The following COPG1 variants were observed in gnomAD, a reference collection of about 807,000 sequenced individuals.
COPG1 encodes coat protein complex I subunit gamma 1, also known as coatomer subunit gamma-1.
In COPG1, 29 loss-of-function variants were observed where a neutral mutation model predicts 102.8. That is an observed-to-expected ratio of 0.28 (90% CI 0.21 to 0.38). COPG1 has a LOEUF of 0.38. Ranked by LOEUF, COPG1 falls within the 10% of genes least tolerant of loss-of-function variation. COPG1 has a pLI of 1.00. For missense variants in COPG1, 875 were observed against 1,132.7 expected (o/e 0.77, Z 3.27); for synonymous variants, 406 against 421.6 (o/e 0.96, Z 0.45).
chr3:129,254,767 G>C, intron 6 of COPG1, 24 bp downstream of exon 6: 1 of 1,604,846 alleles, frequency 6.2e-7, no homozygotes, highest in Non-Finnish European at 8.5e-7. Flanking sequence ...GTTCCTCCCT[G>C]CTTCCTGGCC....
chr3:129,273,964 C>G, intron 21 of COPG1: 1 of 453,754 alleles, frequency 2.2e-6, no homozygotes, highest in Non-Finnish European at 4.4e-6. Context: ...GAGTGCAGAC[C>G]ATTATGCTCA....
At position 129,249,626 on chromosome 3, in the gene COPG1, C is replaced by A; in HGVS notation, c.-84C>A. On this transcript the variant is annotated 5_prime_UTR_variant, in exon 1 of 24. Coordinates refer to ENST00000314797, the MANE Select transcript of COPG1 (RefSeq NM_016128.4). ...TGGCCAGTCGGGGCCCGGAAGTGGT[C>A]CCTGTAGAACCACTGTGGCACCGCT... 1 of 1,461,402 alleles carries A rather than the reference C, an allele frequency of 6.8e-7. No individual in the cohort carries two copies. Among genetic ancestry groups the A allele is most frequent in the South Asian group, 1.2e-5 (1 of 81,382 alleles). The allele number at this position is 1,461,402 out of a possible 1,614,324, so 90.5% of individuals were successfully genotyped here. A position where few individuals can be genotyped will look rare whatever the true frequency, so the allele number is the denominator to read the frequency against.
In COPG1 at chr3:129,270,470, C is replaced by T. The variant is rs549952785; in HGVS notation, c.1844-1297C>T. 2.6e-5 allele frequency among the ~76,000 whole-genome samples: 4 copies of T among 152,184 alleles called. No homozygotes were observed. The South Asian group carries it at 6.2e-4, about 24-fold the overall frequency. On this transcript the variant is annotated intron_variant, in intron 18 of 23. Transcript: ENST00000314797. ...GAGTCTGAAACCCTACCAACAGAAT[C>T]CCCCAGGGAGTAAGTATCAGGCCCA...
rs539344147 is a variant in COPG1, at chr3:129,256,107, G to A, written c.532G>A (p.Val178Met). Residue 178 changes from valine (V) to methionine (M), a missense_variant, in exon 8 of 24, where the codon GTG becomes ATG. By Grantham distance (21) the Val-to-Met change is conservative (BLOSUM62 1). Transcript: ENST00000314797. ...KCSFDVVKRW[V>M]NEAQEAASSD... Reference sequence around the variant, plus strand: ...CAGCTTTGACGTGGTCAAGCGCTGGGTGAATGAGGCTCAGGAGGCAGCATC... The same window carrying A: ...CAGCTTTGACGTGGTCAAGCGCTGGATGAATGAGGCTCAGGAGGCAGCATC... 27 of 1,614,040 alleles carry A rather than the reference G, an allele frequency of 1.7e-5. No individual in the cohort carries two copies. In the African/African-American group the frequency reaches 2.3e-4, roughly 14 times the overall value.
intron 13 of COPG1, among the ~76,000 whole-genome samples, chr3:129,265,117 G>C (rs56884471): frequency 6.6e-6 from 1 of 150,590 alleles, no homozygotes; most frequent in South Asian, 2.1e-4. Flanking sequence ...CACTGCGCCC[G>C]GCCTCCATCT....
At chr3:129,268,366 G>A in intron 16 of COPG1, 129 bp from the exon 17 acceptor site, 1 of 892,186 alleles carries the variant, frequency 1.1e-6, no homozygotes, top group Non-Finnish European at 1.7e-6. Flanking sequence ...GAGGCTTAGA[G>A]AATAAAGTGA....
Position 129,271,097 on chromosome 3 carries a change from G to A in COPG1, c.1844-670G>A, listed in dbSNP as rs1010140508. Among the ~76,000 whole-genome samples the A allele has an allele frequency of 8.5e-5, 13 of 152,200 alleles. No individual in the cohort carries two copies. Among genetic ancestry groups the A allele is most frequent in the Non-Finnish European group, 1.6e-4 (11 of 68,044 alleles). On this transcript the variant is annotated intron_variant, in intron 18 of 23. Coordinates refer to ENST00000314797, the MANE Select transcript of COPG1 (RefSeq NM_016128.4). This position sits in a 1 kb window ranked among gnomAD's most constrained non-coding sequence, Gnocchi z 4.7. The stretch of plus-strand genomic sequence containing the variant: ...TGTAGCCATTATAGGTGGACACCAT[G>A]TGCACACATCTGCCAGATGCCTCAT...
At position 129,275,971 on chromosome 3, in the gene COPG1, TAC is replaced by T. The variant is rs59294610; in HGVS notation, c.2494+705_2494+706del. Among the ~76,000 whole-genome samples, 4,931 of 148,598 alleles carry T rather than the reference TAC, an allele frequency of 0.033. 129 individuals are homozygous for T. Among genetic ancestry groups the T allele is most frequent in the African/African-American group, 0.072 (2,966 of 41,084 alleles). On this transcript the variant is annotated intron_variant, in intron 23 of 23. Transcript: ENST00000314797. The surrounding 1 kb of genome is among the most constrained non-coding windows in gnomAD (Gnocchi z 5.0). The stretch of plus-strand genomic sequence containing the variant: ...ACAGATGTTACAGTAAATAATCGTG[TAC>T]ACACACACACACACACACACACACA...
chr3:129,268,263 T>C (rs1224676458), intron 16 of COPG1, among the ~76,000 whole-genome samples: 1 of 151,984 alleles, frequency 6.6e-6, no homozygotes, highest in Non-Finnish European at 1.5e-5. Flanking sequence ...ATAAAAACTT[T>C]ATTTTTACAG....
At chr3:129,254,470 G>A (rs1192943428) in intron 5 of COPG1, 198 bp from the exon 6 acceptor site, 4 of 535,626 alleles carry the variant, frequency 7.5e-6, no homozygotes, top group East Asian at 6.3e-5. Context: ...CAAAAGCAGG[G>A]GGATGACCTG....
Position 129,275,122 on chromosome 3 carries a change from G to C in COPG1, c.2396-72G>C. The C allele has an allele frequency of 6.6e-7, 1 of 1,519,824 alleles. No individual in the cohort carries two copies. The highest frequency in any genetic ancestry group is 1.7e-5 in the Admixed American group (1 of 59,520). The allele number at this position is 1,519,824 out of a possible 1,614,324, so 94.1% of individuals were successfully genotyped here. A position where few individuals can be genotyped will look rare whatever the true frequency, so the allele number is the denominator to read the frequency against. Reference sequence around the variant, plus strand: ...ATGCCACTTCATTAAAAGCCCTTCAGAACATGGGGGAGTGGTGGTGGCACA... The same window carrying C: ...ATGCCACTTCATTAAAAGCCCTTCACAACATGGGGGAGTGGTGGTGGCACA... On this transcript the variant is annotated intron_variant, in intron 22 of 23. Coordinates refer to ENST00000314797, the MANE Select transcript of COPG1 (RefSeq NM_016128.4). The surrounding 1 kb of genome is among the most constrained non-coding windows in gnomAD (Gnocchi z 5.0).
chr3:129,262,275 T>C (rs973058625), intron 12 of COPG1, among the ~76,000 whole-genome samples: 1 of 150,610 alleles, frequency 6.6e-6, no homozygotes, highest in African/African-American at 2.5e-5. Context: ...TTTTTTGAGT[T>C]GGAGTCTCGC....
rs145383828 is a variant in COPG1 at position 129,275,458 on chromosome 3, G to A, written c.2494+166G>A. 4.1e-4 allele frequency among the ~76,000 whole-genome samples: 62 copies of A among 152,262 alleles called. No individual in the cohort carries two copies. Among genetic ancestry groups the A allele is most frequent in the African/African-American group, 1.4e-3 (57 of 41,536 alleles). Reference sequence around the variant, plus strand: ...AGCGAAATGTTTCCTCCCTACCTTGGCTGCCAGCCATTCAGATTCCCTTCC... The same window carrying A: ...AGCGAAATGTTTCCTCCCTACCTTGACTGCCAGCCATTCAGATTCCCTTCC... On this transcript the variant is annotated intron_variant, in intron 23 of 23. Transcript: ENST00000314797. This position sits in a 1 kb window ranked among gnomAD's most constrained non-coding sequence, Gnocchi z 5.0.
At chr3:129,258,794 G>A (rs1939865367) in intron 10 of COPG1, among the ~76,000 whole-genome samples, 1 of 152,196 alleles carries the variant, frequency 6.6e-6, no homozygotes, top group Non-Finnish European at 1.5e-5. Context: ...GCAGCCTTGA[G>A]TCCTGGAGTC....
At chr3:129,260,071 C>T (rs755074738) in intron 10 of COPG1, among the ~76,000 whole-genome samples, 6 of 152,206 alleles carry the variant, frequency 3.9e-5, no homozygotes, top group Non-Finnish European at 1.5e-5. Flanking sequence ...GGCATGTCCA[C>T]TGTATAGCAC....
rs113059124 is a variant in COPG1, at chr3:129,252,375, G to A, written c.171+14G>A. On this transcript the variant is annotated intron_variant, in intron 3 of 23. Transcript: ENST00000314797. ...CTCATAAACCAGGTAACAGGGTGAA[G>A]CTTGCGGGTAGGGAGAATGGTGCTG... is the stretch of plus-strand genomic sequence containing the variant. 79 of 1,579,122 alleles carry A rather than the reference G, an allele frequency of 5.0e-5. No homozygotes were observed. The African/African-American group carries it at 7.3e-4, about 15-fold the overall frequency.
intron 10 of COPG1, chr3:129,260,130 A>T: frequency 1.7e-6 from 1 of 597,044 alleles, no homozygotes; most frequent in East Asian, 2.8e-5. Context: ...CCTCACTGGA[A>T]CCCCTGGGTG....
intron 6 of COPG1, 119 bp downstream of exon 6, chr3:129,254,862 G>A (rs542106949): frequency 1.1e-4 from 135 of 1,187,406 alleles, no homozygotes; most frequent in Non-Finnish European, 1.5e-4. Flanking sequence ...TGGAGGCAGT[G>A]TGCAGGAGCA....
chr3:129,260,869 G>C, intron 12 of COPG1, 62 bp downstream of exon 12: 2 of 1,547,052 alleles, frequency 1.3e-6, no homozygotes, highest in Middle Eastern at 2.3e-4. Flanking sequence ...CCTGCTCTCT[G>C]TGGCCACAGC....
Sources: gnomAD v4.1 joint callset for allele counts (sites outside exome capture counted in the v4.1 genomes callset) on GRCh38, gnomAD v4.1.1 for gene constraint, Gnocchi (gnomAD v3.1) non-coding constraint, MANE v1.5 for transcripts, NCBI Gene and HGNC (gene_info 2026-07-23, HGNC 2026-07-21) for gene names.